Variants in CUBN observed in about 807,000 individuals in gnomAD.
CUBN encodes 460 kDa receptor.
In CUBN, 282 loss-of-function variants were observed where a neutral mutation model predicts 405.3. That is an observed-to-expected ratio of 0.70 (90% CI 0.63 to 0.77). The LOEUF (loss-of-function observed/expected upper bound fraction) is 0.77, where lower values mean the gene tolerates loss of function less well. Among genes scored for constraint, CUBN ranks in the 30% least tolerant of loss-of-function variants. The pLI, the probability that CUBN is intolerant of heterozygous loss-of-function variation, is 0.00. For missense variants in CUBN, 4,514 were observed against 4,475.2 expected (o/e 1.01, Z -0.25); for synonymous variants, 1,684 against 1,617.0 (o/e 1.04, Z -0.99).
chr10:17,064,924 C>T (rs545084546), intron 22 of CUBN, among the ~76,000 whole-genome samples: 4 of 152,202 alleles, frequency 2.6e-5, no homozygotes, highest in Admixed American at 2.0e-4. Context: ...CCATTCCTTT[C>T]CCTGGAATTT....
At chr10:16,862,160 T>TCTCACACA (rs144560387) in intron 59 of CUBN, among the ~76,000 whole-genome samples, 30 of 131,206 alleles carry the variant, frequency 2.3e-4, no homozygotes, top group African/African-American at 8.1e-4. Flanking sequence ...TCTCTCTCTC[T>TCTCACACA]CACACACACA....
intron 31 of CUBN, among the ~76,000 whole-genome samples, chr10:16,961,704 C>CTTTTTTTT (rs138499807): frequency 2.7e-5 from 2 of 74,038 alleles, no homozygotes; most frequent in Non-Finnish European, 2.5e-5. Flanking sequence ...AAAGCAATCC[C>CTTTTTTTT]TTTTTTTTTT....
chr10:16,972,752 C>A (rs1312629204), intron 31 of CUBN, among the ~76,000 whole-genome samples: 1 of 151,972 alleles, frequency 6.6e-6, no homozygotes, highest in Non-Finnish European at 1.5e-5. Context: ...AGCAAATAGG[C>A]TTCCCCCCAC....
chr10:17,049,811 G>T (rs894511657), intron 22 of CUBN, among the ~76,000 whole-genome samples: 3 of 152,054 alleles, frequency 2.0e-5, no homozygotes, highest in Non-Finnish European at 4.4e-5. Flanking sequence ...CAACCAAGCA[G>T]AATTAATTTA....
intron 51 of CUBN, among the ~76,000 whole-genome samples, chr10:16,902,567 G>A (rs1364220441): frequency 6.6e-6 from 1 of 151,832 alleles, no homozygotes; most frequent in Non-Finnish European, 1.5e-5. Flanking sequence ...ATCTGATGAA[G>A]GAAAATCAAC....
At chr10:17,026,591 A>T (rs900234563) in intron 27 of CUBN, among the ~76,000 whole-genome samples, 1 of 151,806 alleles carries the variant, frequency 6.6e-6, no homozygotes, top group Non-Finnish European at 1.5e-5. Flanking sequence ...CCGAGATCGC[A>T]CCACTGCACT....
At chr10:17,037,868 T>C (rs952673086) in intron 27 of CUBN, among the ~76,000 whole-genome samples, 1 of 151,970 alleles carries the variant, frequency 6.6e-6, no homozygotes, top group Non-Finnish European at 1.5e-5. Context: ...CAGAGTCACA[T>C]TGATCTCCAA....
chr10:16,844,270 CA>C (rs1325881875), intron 60 of CUBN, among the ~76,000 whole-genome samples: 4 of 143,452 alleles, frequency 2.8e-5, no homozygotes, highest in Admixed American at 6.8e-5. Context: ...ACTCTGTCCC[CA>C]AAAAAAAAAA....
intron 33 of CUBN, among the ~76,000 whole-genome samples, chr10:16,951,159 G>A (rs1479223773): frequency 6.6e-6 from 1 of 152,090 alleles, no homozygotes; most frequent in Non-Finnish European, 1.5e-5. Context: ...TAATCCTCAG[G>A]CACAAACTTC....
At chr10:17,014,366 C>T (rs578200258) in intron 28 of CUBN, among the ~76,000 whole-genome samples, 2 of 152,192 alleles carry the variant, frequency 1.3e-5, no homozygotes, top group African/African-American at 4.8e-5. Context: ...TGTTTCTGCC[C>T]CTGGTTCCCA....
intron 6 of CUBN, among the ~76,000 whole-genome samples, chr10:17,117,308 A>C (rs1836926366): frequency 6.6e-6 from 1 of 152,208 alleles, no homozygotes; most frequent in African/African-American, 2.4e-5. Context: ...AGGAGACTTC[A>C]TTACTAAAAG....
chr10:16,931,466 T>G (rs940768163), intron 40 of CUBN, among the ~76,000 whole-genome samples: 3 of 152,236 alleles, frequency 2.0e-5, no homozygotes, highest in African/African-American at 7.2e-5. Flanking sequence ...AAAGGCCGCA[T>G]AACCACTTTA....
chr10:16,942,487 C>T (rs1041319845), intron 36 of CUBN, among the ~76,000 whole-genome samples: 2 of 152,108 alleles, frequency 1.3e-5, no homozygotes, highest in African/African-American at 4.8e-5. Flanking sequence ...GATTTTCAAA[C>T]ATTATTAGTC....
chr10:16,940,102 A>G lies in CUBN; in HGVS notation c.5478T>C (p.His1826=), dbSNP rs770182285. Residue 1826 remains histidine (H), a synonymous_variant, in exon 37 of 67, where the codon CAT becomes CAC. Transcript: ENST00000377833. ...FPLNYSSIVG[H]TLWVRFISDG... is the part of the protein sequence containing the mutation. ...CTGAGATAAATCTGACCCACAGGGTATGTCCAACGATGGAAGAATAATTGA... is the reference window on the plus strand; with the variant it reads ...CTGAGATAAATCTGACCCACAGGGTGTGTCCAACGATGGAAGAATAATTGA... 1.2e-6 allele frequency: 2 copies of G among 1,614,184 alleles called. No homozygotes were observed. Among genetic ancestry groups the G allele is most frequent in the Non-Finnish European group, 1.7e-6 (2 of 1,179,998 alleles).
At chr10:16,925,805 T>C (rs1345760426) in intron 41 of CUBN, 31 bp from the exon 42 acceptor site, 7 of 1,598,684 alleles carry the variant, frequency 4.4e-6, no homozygotes, top group Non-Finnish European at 5.1e-6. Flanking sequence ...GTCGGTTATT[T>C]AAATAGCATT....
intron 37 of CUBN, 33 bp downstream of exon 37, chr10:16,939,999 C>G: frequency 6.6e-7 from 1 of 1,518,164 alleles, no homozygotes; most frequent in South Asian, 1.1e-5. Context: ...AAGACATATT[C>G]TGGAAGCTAT....
intron 56 of CUBN, among the ~76,000 whole-genome samples, chr10:16,886,168 CTT>C (rs1840807397): frequency 6.6e-6 from 1 of 152,068 alleles, no homozygotes; most frequent in South Asian, 2.1e-4. Context: ...TTGATTTACA[CTT>C]GGCATTTTTT....
At chr10:16,831,863 C>T (rs1839010914) in intron 64 of CUBN, among the ~76,000 whole-genome samples, 1 of 151,650 alleles carries the variant, frequency 6.6e-6, no homozygotes, top group African/African-American at 2.4e-5. Context: ...TGTGTGTGTG[C>T]ACGTGTTTCC....
At chr10:16,836,639 C>T (rs1839178555) in intron 62 of CUBN, among the ~76,000 whole-genome samples, 1 of 152,204 alleles carries the variant, frequency 6.6e-6, no homozygotes, top group African/African-American at 2.4e-5. Flanking sequence ...AATAAGATCC[C>T]TCGCCTTTTA....
Sources: allele counts gnomAD v4.1 joint callset (sites outside exome capture counted in the v4.1 genomes callset), GRCh38; gene constraint gnomAD v4.1.1; transcripts MANE v1.5; gene names NCBI Gene and HGNC (gene_info 2026-07-23, HGNC 2026-07-21).